FRMD4A: variants seen among roughly 807,000 people sequenced by gnomAD.
The protein encoded by FRMD4A is FERM domain-containing protein 4A.
Under a neutral mutation model 129.1 loss-of-function variants are expected in FRMD4A, and 29 were observed. The observed-to-expected ratio is 0.22, with a 90% CI of 0.17 to 0.31. The LOEUF is 0.31. Ranked by LOEUF, FRMD4A falls within the 10% of genes least tolerant of loss-of-function variation. FRMD4A has a pLI of 1.00. For synonymous variants in FRMD4A, 634 were observed against 571.6 expected (o/e 1.11, Z -1.56); for missense variants, 1,272 against 1,375.8 (o/e 0.92, Z 1.19).
intron 2 of FRMD4A, among the ~76,000 whole-genome samples, chr10:14,009,996 C>G (rs2095675632): frequency 6.6e-6 from 1 of 152,178 alleles, no homozygotes; most frequent in Admixed American, 6.5e-5. Context: ...AAGAGAAACT[C>G]ATTTCTTTGT....
chr10:14,270,300 T>G (rs975787069), intron 2 of FRMD4A, among the ~76,000 whole-genome samples: 56 of 152,322 alleles, frequency 3.7e-4, no homozygotes, highest in African/African-American at 1.3e-3. Context: ...TCTCCCTAAA[T>G]AGTTATCATG....
chr10:14,085,746 C>G (rs953092154), intron 2 of FRMD4A, among the ~76,000 whole-genome samples: 1 of 152,196 alleles, frequency 6.6e-6, no homozygotes, highest in Non-Finnish European at 1.5e-5. Flanking sequence ...CTGGTGGAGT[C>G]ACGATTTTGG....
chr10:13,797,967 C>A (rs547073336), intron 4 of FRMD4A, among the ~76,000 whole-genome samples: 319 of 151,848 alleles, frequency 2.1e-3, no homozygotes, highest in Non-Finnish European at 2.8e-3. Context: ...TGTGGCTATA[C>A]GGAAGACTTT....
At chr10:13,998,861 A>G (rs1478794896) in intron 2 of FRMD4A, among the ~76,000 whole-genome samples, 1 of 152,160 alleles carries the variant, frequency 6.6e-6, no homozygotes, top group African/African-American at 2.4e-5. Context: ...CTATCAACCT[A>G]GTAGCTAACG....
At chr10:13,798,897 A>G (rs1453759025) in intron 4 of FRMD4A, among the ~76,000 whole-genome samples, 1 of 152,148 alleles carries the variant, frequency 6.6e-6, no homozygotes, top group African/African-American at 2.4e-5. Flanking sequence ...GATATTTCAA[A>G]CTTCTGTTCC....
In FRMD4A at chr10:14,162,637, T is replaced by G. The variant is rs1000405927; in HGVS notation, c.45+167421A>C. Among the ~76,000 whole-genome samples the G allele has an allele frequency of 2.5e-4, 35 of 137,442 alleles. No individual in the cohort carries two copies. The Admixed American group carries it at 2.6e-3, about 10-fold the overall frequency. The allele number at this position is 137,442 out of a possible 152,430, so 90.2% of individuals were successfully genotyped here. A position where few individuals can be genotyped will look rare whatever the true frequency, so the allele number is the denominator to read the frequency against. On this transcript the variant is annotated intron_variant, in intron 2 of 24. Transcript: ENST00000357447. ...CGAGTCTTGAGTTTCTCTGTTTTTT[T>G]TTTGTTTTTTTTTTTTTTTTTTGTA...
At chr10:14,233,569 A>G (rs1382241411) in intron 2 of FRMD4A, among the ~76,000 whole-genome samples, 1 of 152,224 alleles carries the variant, frequency 6.6e-6, no homozygotes, top group Non-Finnish European at 1.5e-5. Flanking sequence ...GTGAGACTCC[A>G]TCTCAAAACA....
At chr10:13,856,177 T>G (rs2094211220) in intron 3 of FRMD4A, among the ~76,000 whole-genome samples, 1 of 151,302 alleles carries the variant, frequency 6.6e-6, no homozygotes, top group Non-Finnish European at 1.5e-5. Flanking sequence ...TATCTATGTA[T>G]AGGTAGATAG....
chr10:14,006,185 C>T (rs1208968468), intron 2 of FRMD4A, among the ~76,000 whole-genome samples: 2 of 152,138 alleles, frequency 1.3e-5, no homozygotes, highest in African/African-American at 4.8e-5. Context: ...TCAATTAGTT[C>T]CACTCTCCAT....
intron 2 of FRMD4A, chr10:13,890,611 C>T (rs955087764): frequency 5.1e-6 from 5 of 985,386 alleles, no homozygotes; most frequent in Non-Finnish European, 6.0e-6. Flanking sequence ...GTTTTCAGAG[C>T]AACCCCTTTC....
At chr10:14,153,814 T>G (rs1309959311) in intron 2 of FRMD4A, among the ~76,000 whole-genome samples, 1 of 152,194 alleles carries the variant, frequency 6.6e-6, no homozygotes, top group Non-Finnish European at 1.5e-5. Context: ...TTCTCTTTCC[T>G]TCTCATAGCA....
intron 2 of FRMD4A, among the ~76,000 whole-genome samples, chr10:14,020,537 G>A (rs1832694316): frequency 6.6e-6 from 1 of 152,158 alleles, no homozygotes; most frequent in Non-Finnish European, 1.5e-5. Flanking sequence ...GACTGGGAGA[G>A]GACACACTGG....
At chr10:14,027,412 G>A (rs141626902) in intron 2 of FRMD4A, among the ~76,000 whole-genome samples, 1,687 of 152,262 alleles carry the variant, frequency 0.011, 11 homozygotes, top group Middle Eastern at 0.027. Context: ...AGGCCGAGGC[G>A]GGTGGACAGC....
At position 14,192,765 on chromosome 10, in the gene FRMD4A, G is replaced by C. The variant is rs564355901; in HGVS notation, c.45+137293C>G. On this transcript the variant is annotated intron_variant, in intron 2 of 24. Coordinates refer to ENST00000357447, the MANE Select transcript of FRMD4A (RefSeq NM_018027.5). Reference sequence around the variant, plus strand: ...TCCAGGAATGAACATCTCCCCTCTAGGTTACTGAATTCTAAAACGTAATGA... The same window carrying C: ...TCCAGGAATGAACATCTCCCCTCTACGTTACTGAATTCTAAAACGTAATGA... Among the ~76,000 whole-genome samples, 15 of 152,292 alleles carry C rather than the reference G, an allele frequency of 9.8e-5. No homozygotes were observed. In the East Asian group the frequency reaches 2.9e-3, roughly 29 times the overall value.
intron 2 of FRMD4A, among the ~76,000 whole-genome samples, chr10:14,051,308 C>T (rs1424822170): frequency 2.0e-5 from 3 of 152,172 alleles, no homozygotes; most frequent in Non-Finnish European, 1.5e-5. Flanking sequence ...TGCTCAGCCA[C>T]AGGAATATTC....
Position 14,330,753 on chromosome 10 carries a change from A to T in FRMD4A, c.-238T>A, listed in dbSNP as rs1843487167. The stretch of plus-strand genomic sequence containing the variant: ...CCTTACCATCCCCGAGGAGGAAGTC[A>T]CTTAGGAACTGACCCTTCCACCTTC... On this transcript the variant is annotated 5_prime_UTR_variant, in exon 1 of 25. Coordinates refer to ENST00000357447, the MANE Select transcript of FRMD4A (RefSeq NM_018027.5). 2 of 398,818 alleles carry T rather than the reference A, an allele frequency of 5.0e-6. No homozygotes were observed. The highest frequency in any genetic ancestry group is 8.8e-6 in the Non-Finnish European group (2 of 226,378). The allele number at this position is 398,818 out of a possible 1,614,324, so 24.7% of individuals were successfully genotyped here.
intron 2 of FRMD4A, among the ~76,000 whole-genome samples, chr10:13,933,218 C>T (rs921383716): frequency 6.6e-6 from 1 of 152,004 alleles, no homozygotes; most frequent in African/African-American, 2.4e-5. Flanking sequence ...GAACATAAAG[C>T]GGATGAACAC....
chr10:14,304,062 C>T (rs1564452519), intron 2 of FRMD4A, among the ~76,000 whole-genome samples: 1 of 152,148 alleles, frequency 6.6e-6, no homozygotes, highest in East Asian at 1.9e-4. Context: ...TTGCTTCTGC[C>T]TTTTGGCCAC....
At chr10:13,800,553 C>T (rs2093230153) in intron 4 of FRMD4A, among the ~76,000 whole-genome samples, 1 of 152,108 alleles carries the variant, frequency 6.6e-6, no homozygotes, top group Non-Finnish European at 1.5e-5. Context: ...AGAGAATATT[C>T]CATTTGTGGA....
Sources: allele counts gnomAD v4.1 joint callset (sites outside exome capture counted in the v4.1 genomes callset), GRCh38; gene constraint gnomAD v4.1.1; transcripts MANE v1.5; gene names NCBI Gene and HGNC (gene_info 2026-07-23, HGNC 2026-07-21).